Variants in PDGFRA observed in about 807,000 individuals in gnomAD.
PDGFRA encodes the protein platelet-derived growth factor receptor alpha.
Under a neutral mutation model 121.5 loss-of-function variants are expected in PDGFRA, and 25 were observed. That is an observed-to-expected ratio of 0.21 (90% CI 0.15 to 0.29). PDGFRA has a LOEUF of 0.29. Ranked by LOEUF, PDGFRA falls within the 10% of genes least tolerant of loss-of-function variation. The probability of loss-of-function intolerance (pLI) is 1.00; values close to 1 mark genes in which losing one functional copy is unlikely to be tolerated. For synonymous variants in PDGFRA, 463 were observed against 494.8 expected (o/e 0.94, Z 0.85); for missense variants, 1,008 against 1,345.1 (o/e 0.75, Z 3.92).
At chr4:54,233,112 T>G (rs980421542) in intron 1 of PDGFRA, among the ~76,000 whole-genome samples, 31 of 147,818 alleles carry the variant, frequency 2.1e-4, no homozygotes, top group African/African-American at 7.1e-4. Flanking sequence ...TTGAAAACAA[T>G]GCAAACGCAG....
chr4:54,270,243 A>G (rs1386923960), intron 7 of PDGFRA, among the ~76,000 whole-genome samples: 1 of 152,204 alleles, frequency 6.6e-6, no homozygotes, highest in Non-Finnish European at 1.5e-5. Flanking sequence ...TTTTGGCTGA[A>G]CCACCTAAAT....
rs776298880 is a variant in PDGFRA at position 54,272,423 on chromosome 4, G to A, written c.1267G>A (p.Asp423Asn). The part of the protein sequence containing the change: ...VPSSILDLVD[D>N]HHGSTGGQTV... ...TTCATCCATTCTGGACTTGGTCGAT[G>A]ATCACCATGGCTCAACTGGGGGACA... Residue 423 changes from aspartate (D) to asparagine (N), a missense_variant, in exon 9 of 23, where the codon GAT becomes AAT. Asp to Asn is a conservative substitution (Grantham distance 23). Around this residue, in one of 5 missense-constraint regions of PDGFRA, gnomAD observed 575 missense variants for 701.8 expected, o/e 0.82. Coordinates refer to ENST00000257290, the MANE Select transcript of PDGFRA (RefSeq NM_006206.6). 1.4e-5 allele frequency: 22 copies of A among 1,613,910 alleles called. No individual in the cohort carries two copies. Among genetic ancestry groups the A allele is most frequent in the Middle Eastern group, 1.6e-4 (1 of 6,084 alleles).
intron 11 of PDGFRA, 42 bp from the exon 12 acceptor site, chr4:54,274,799 G>A (rs779550407): frequency 2.5e-6 from 4 of 1,611,954 alleles, no homozygotes; most frequent in Non-Finnish European, 3.4e-6. Flanking sequence ...GGTGCACTGG[G>A]ACTTTGGTAA....
At chr4:54,255,906 G>A (rs1053721257) in intron 1 of PDGFRA, among the ~76,000 whole-genome samples, 17 of 152,094 alleles carry the variant, frequency 1.1e-4, no homozygotes, top group Admixed American at 5.2e-4. Flanking sequence ...GGAACAAATT[G>A]AGTCCTATTA....
At chr4:54,282,055 GTT>G (rs1724107234) in intron 16 of PDGFRA, 1 of 732,826 alleles carries the variant, frequency 1.4e-6, no homozygotes, top group South Asian at 6.1e-5. Context: ...GTGTATGTGT[GTT>G]TTAAAGGTAG....
chr4:54,233,509 C>T (rs1720822209), intron 1 of PDGFRA, among the ~76,000 whole-genome samples: 2 of 152,362 alleles, frequency 1.3e-5, no homozygotes, highest in South Asian at 2.1e-4. Flanking sequence ...TTCCCCAGCC[C>T]CGGGCGGTCG....
intron 1 of PDGFRA, among the ~76,000 whole-genome samples, chr4:54,241,959 T>G (rs1721324928): frequency 1.3e-5 from 2 of 152,248 alleles, no homozygotes; most frequent in Non-Finnish European, 2.9e-5. Flanking sequence ...AAATATTGAC[T>G]TTTAATTCTA....
At chr4:54,231,357 G>T (rs1720657539) in intron 1 of PDGFRA, among the ~76,000 whole-genome samples, 2 of 152,170 alleles carry the variant, frequency 1.3e-5, no homozygotes, top group Admixed American at 6.5e-5. Context: ...CGCCGCGGTC[G>T]CTCCTGACAA....
At chr4:54,265,682 G>A (rs1275218428) in intron 5 of PDGFRA, among the ~76,000 whole-genome samples, 1 of 152,182 alleles carries the variant, frequency 6.6e-6, no homozygotes, top group African/African-American at 2.4e-5. Context: ...AAGTGGGGAA[G>A]GGGAGCCACC....
At chr4:54,272,368 T>C (rs1222759145) in intron 8 of PDGFRA, 26 bp from the exon 9 acceptor site, 2 of 1,613,544 alleles carry the variant, frequency 1.2e-6, no homozygotes, top group Non-Finnish European at 1.7e-6. Context: ...AGCTATTCCA[T>C]TCTGACTTCT....
intron 2 of PDGFRA, 98 bp downstream of exon 2, chr4:54,258,915 T>A: frequency 1.1e-6 from 1 of 935,804 alleles, no homozygotes; most frequent in Non-Finnish European, 1.7e-6. Flanking sequence ...GCATACACAG[T>A]CCAAAAGAGT....
chr4:54,253,068 C>A (rs1722144293), intron 1 of PDGFRA, among the ~76,000 whole-genome samples: 1 of 151,872 alleles, frequency 6.6e-6, no homozygotes, highest in Non-Finnish European at 1.5e-5. Flanking sequence ...CCACACCAGG[C>A]TGGAGGTAAC....
At chr4:54,264,741 A>ATTGT in intron 4 of PDGFRA, 178 bp from the exon 5 acceptor site, 1 of 582,512 alleles carries the variant, frequency 1.7e-6, no homozygotes, top group Non-Finnish European at 3.0e-6. Context: ...TATATGCCTA[A>ATTGT]TTGTTGTACA....
Position 54,285,942 on chromosome 4 carries a change from G to A in PDGFRA, c.2541G>A (p.Ser847=), listed in dbSNP as rs370355869. Reference sequence around the variant, plus strand: ...TGGCCAGAGACATCATGCATGATTCGAACTATGTGTCGAAAGGCAGTGTAC... The same window carrying A: ...TGGCCAGAGACATCATGCATGATTCAAACTATGTGTCGAAAGGCAGTGTAC... ...FGLARDIMHD[S]NYVSKGSTFL... The change falls in exon 18 of 23, where the codon TCG becomes TCA. Residue 847 remains serine, a synonymous_variant. Transcript: ENST00000257290. 1.5e-5 allele frequency: 24 copies of A among 1,614,072 alleles called. No homozygotes were observed. The African/African-American group carries it at 2.5e-4, about 17-fold the overall frequency.
chr4:54,236,541 C>A (rs907414672), intron 1 of PDGFRA, among the ~76,000 whole-genome samples: 9 of 152,202 alleles, frequency 5.9e-5, no homozygotes, highest in South Asian at 2.1e-4. Flanking sequence ...CAGTGGCTCA[C>A]GCCTGTAATC....
chr4:54,239,624 T>C (rs75533042), intron 1 of PDGFRA, among the ~76,000 whole-genome samples: 6,880 of 152,274 alleles, frequency 0.045, 521 homozygotes, highest in African/African-American at 0.16. Context: ...CATTTTTTTC[T>C]CTTCAATTTT....
chr4:54,244,502 A>C (rs1347829236), intron 1 of PDGFRA, among the ~76,000 whole-genome samples: 1 of 152,246 alleles, frequency 6.6e-6, no homozygotes, highest in Non-Finnish European at 1.5e-5. Context: ...CCTGCAGCTG[A>C]GGATCCTGTC....
intron 8 of PDGFRA, 98 bp from the exon 9 acceptor site, chr4:54,272,296 T>A (rs1723444025): frequency 7.5e-7 from 1 of 1,334,236 alleles, no homozygotes; most frequent in East Asian, 2.3e-5. Flanking sequence ...GTGTTTTGAA[T>A]GCCATGTAGA....
At chr4:54,254,086 C>G (rs1722216838) in intron 1 of PDGFRA, among the ~76,000 whole-genome samples, 1 of 152,120 alleles carries the variant, frequency 6.6e-6, no homozygotes, top group Non-Finnish European at 1.5e-5. Context: ...AATAGCATTA[C>G]TAATTAAGAA....
Sources: allele counts gnomAD v4.1 joint callset (sites outside exome capture counted in the v4.1 genomes callset), GRCh38; gene constraint gnomAD v4.1.1; regional missense constraint gnomAD v4.1.1; transcripts MANE v1.5; gene names NCBI Gene and HGNC (gene_info 2026-07-23, HGNC 2026-07-21).